Variants in ADAMTSL4 observed in about 807,000 individuals in gnomAD.
ADAMTSL4 encodes ADAMTS-like protein 4.
Under a neutral mutation model 122.8 loss-of-function variants are expected in ADAMTSL4, and 97 were observed. The ratio of observed to expected loss-of-function variants is 0.79; its 90% CI spans 0.67 to 0.93. ADAMTSL4 has a LOEUF of 0.93. Ranked by LOEUF, ADAMTSL4 falls within the 40% of genes least tolerant of loss-of-function variation. The probability of loss-of-function intolerance (pLI) is 0.00; values close to 1 mark genes in which losing one functional copy is unlikely to be tolerated. For synonymous variants in ADAMTSL4, 592 were observed against 568.0 expected (o/e 1.04, Z -0.60); for missense variants, 1,408 against 1,453.5 (o/e 0.97, Z 0.51).
chr1:150,557,030 C>T lies in ADAMTSL4; in HGVS notation c.1841C>T (p.Pro614Leu). The change falls in exon 11 of 19, where the codon CCT becomes CTT. Residue 614 changes from proline to leucine, a missense_variant. Transcript: ENST00000271643. ...CTTGAGAACCCCACCCCAGAGCCCC[C>T]TGTCCCCCAGCTTCAGCCGGGTAAG... Reference protein sequence around the residue: ...PILENPTPEPPVPQLQPEILR... With the variant: ...PILENPTPEPLVPQLQPEILR... The T allele has an allele frequency of 6.2e-7, 1 of 1,613,968 alleles. No homozygotes were observed.
At position 150,559,624 on chromosome 1, in the gene ADAMTSL4, G is replaced by C; in HGVS notation, c.2944-137G>C. The C allele has an allele frequency of 1.3e-6, 2 of 1,555,320 alleles. No individual in the cohort carries two copies. The highest frequency in any genetic ancestry group is 1.8e-6 in the Non-Finnish European group (2 of 1,141,870). On this transcript the variant is annotated intron_variant, in intron 17 of 18. Coordinates refer to ENST00000271643, the MANE Select transcript of ADAMTSL4 (RefSeq NM_019032.6). This position sits in a 1 kb window ranked among gnomAD's most constrained non-coding sequence, Gnocchi z 4.1. ...TTCTTATAGACTTGGAGGAAAGATG[G>C]GCCCTCTCCATTTGGGATTTCACAA...
Position 150,559,703 on chromosome 1 carries a change from G to A in ADAMTSL4, c.2944-58G>A. The stretch of plus-strand genomic sequence containing the variant: ...TTTGGGGAGAGAGGTGGCAGCCAGG[G>A]GTTAAGGAGAATCCCGGGCCTGGCA... On this transcript the variant is annotated intron_variant, in intron 17 of 18. Coordinates refer to ENST00000271643, the MANE Select transcript of ADAMTSL4 (RefSeq NM_019032.6). The surrounding 1 kb of genome is among the most constrained non-coding windows in gnomAD (Gnocchi z 4.1). 6.2e-7 allele frequency: 1 copy of A among 1,612,354 alleles called. No individual in the cohort carries two copies.
Position 150,559,996 on chromosome 1 carries a change from AC to A in ADAMTSL4, c.3089-61del, listed in dbSNP as rs1672614041. The A allele has an allele frequency of 3.1e-6, 5 of 1,613,488 alleles. No homozygotes were observed. The South Asian group carries it at 5.5e-5, about 18-fold the overall frequency. On this transcript the variant is annotated intron_variant, in intron 18 of 18. Coordinates refer to ENST00000271643, the MANE Select transcript of ADAMTSL4 (RefSeq NM_019032.6). The surrounding 1 kb of genome is among the most constrained non-coding windows in gnomAD (Gnocchi z 4.1). ...AAGGACCAGTGGGAATGGGCAGCAC[AC>A]CCATTCCCAGACGGGTGGGTCCTGG...
rs952492181 is a variant in ADAMTSL4 at position 150,558,638 on chromosome 1, T to C, written c.2548T>C (p.Trp850Arg). The change falls in exon 15 of 19, where the codon TGG (tryptophan) becomes CGG (arginine). Residue 850 changes from tryptophan (W) to arginine (R), a missense_variant. Physicochemically the swap from Trp to Arg is moderately radical, Grantham distance 101 (BLOSUM62 -3). Coordinates refer to ENST00000271643, the MANE Select transcript of ADAMTSL4 (RefSeq NM_019032.6). ...PCTTAWFHSD[W>R]SSKCSAECGT... ...TACTACTGCCTGGTTCCACAGCGAC[T>C]GGAGCTCCAAGGTGAGCCCGGAACC... 1.2e-6 allele frequency: 2 copies of C among 1,613,692 alleles called. No homozygotes were observed. Among genetic ancestry groups the C allele is most frequent in the East Asian group, 2.2e-5 (1 of 44,884 alleles).
intron 2 of ADAMTSL4, chr1:150,550,340 G>T (rs1671268937): frequency 2.2e-6 from 1 of 451,312 alleles, no homozygotes; most frequent in Non-Finnish European, 4.4e-6. Context: ...GCCGGGCTGC[G>T]CAGGGGAGGG....
Position 150,557,338 on chromosome 1 carries a change from G to A in ADAMTSL4, c.2047+3G>A. ...ATGCTCAGCGTCCTGCGGGAAAGGT[G>A]AGACATCACAGTGCGTTCCCCGCAT... On this transcript the variant is annotated splice_donor_region_variant and intron_variant, in intron 12 of 18. Transcript: ENST00000271643. 12 of 1,609,674 alleles carry A rather than the reference G, an allele frequency of 7.5e-6. No individual in the cohort carries two copies. The highest frequency in any genetic ancestry group is 1.7e-4 in the Middle Eastern group (1 of 5,778).
At position 150,553,618 on chromosome 1, in the gene ADAMTSL4, C is replaced by T; in HGVS notation, c.627C>T (p.Ser209=). 2 of 1,613,818 alleles carry T rather than the reference C, an allele frequency of 1.2e-6. No homozygotes were observed. Among genetic ancestry groups the T allele is most frequent in the Non-Finnish European group, 1.7e-6 (2 of 1,179,928 alleles). ...CAGAGCCATTCTCCGCAAACGGCAG[C>T]CCCCAAACTGAGCTCCCTCCCACAG... The part of the protein sequence containing the change: ...PRAEPFSANG[S]PQTELPPTEL... The change falls in exon 6 of 19, where the codon AGC becomes AGT. Residue 209 remains serine, a synonymous_variant. Transcript: ENST00000271643.
chr1:150,557,924 C>G (rs1672358654), intron 13 of ADAMTSL4, 21 bp from the exon 14 acceptor site: 6 of 1,600,664 alleles, frequency 3.7e-6, no homozygotes, highest in South Asian at 1.1e-5. Flanking sequence ...CGCCTCTTCC[C>G]TGCCCTGCTG....
intron 8 of ADAMTSL4, 27 bp downstream of exon 8, chr1:150,555,592 C>G: frequency 6.3e-7 from 1 of 1,587,320 alleles, no homozygotes. Flanking sequence ...TGTGTGTGCA[C>G]ACACACATGC....
chr1:150,553,105 C>G lies in ADAMTSL4; in HGVS notation c.286C>G (p.Leu96Val). Residue 96 changes from leucine to valine, a missense_variant, in exon 5 of 19, where the codon CTC (leucine) becomes GTC (valine). Leu to Val is a conservative substitution (Grantham distance 32). Coordinates refer to ENST00000271643, the MANE Select transcript of ADAMTSL4 (RefSeq NM_019032.6). ...PRPPRHPEAL[L>V]PRGQGPRPQT... Reference sequence around the variant, plus strand: ...GCCCCCAAGACATCCAGAAGCCCTCCTCCCCCGGGGCCAGGGTCCCAGACC... The same window carrying G: ...GCCCCCAAGACATCCAGAAGCCCTCGTCCCCCGGGGCCAGGGTCCCAGACC... The G allele has an allele frequency of 6.2e-7, 1 of 1,613,408 alleles. No individual in the cohort carries two copies. Among genetic ancestry groups the G allele is most frequent in the Non-Finnish European group, 8.5e-7 (1 of 1,179,818 alleles).
chr1:150,552,552 G>C lies in ADAMTSL4; in HGVS notation c.30G>C (p.Leu10=). MENWTGRPW[L]YLLLLLSLPQ... ...GGCCTTTGGTTTGCAGGCCCTGGCT[G>C]TATCTGCTGCTGCTTCTGTCCCTCC... The change falls in exon 4 of 19, where the codon CTG becomes CTC. Residue 10 remains leucine, a synonymous_variant. Transcript: ENST00000271643. The surrounding 1 kb of genome is among the most constrained non-coding windows in gnomAD (Gnocchi z 4.0). The C allele has an allele frequency of 6.2e-7, 1 of 1,614,048 alleles. No homozygotes were observed. The highest frequency in any genetic ancestry group is 8.5e-7 in the Non-Finnish European group (1 of 1,179,990).
chr1:150,558,179 G>A, intron 14 of ADAMTSL4, 30 bp downstream of exon 14: 2 of 1,612,810 alleles, frequency 1.2e-6, no homozygotes, highest in South Asian at 1.1e-5. Context: ...GAGGTGCTGG[G>A]GAGGGGAATG....
Position 150,552,144 on chromosome 1 carries a change from C to T in ADAMTSL4, c.-84-61C>T. The T allele has an allele frequency of 1.2e-6, 1 of 818,840 alleles. No homozygotes were observed. The highest frequency in any genetic ancestry group is 1.9e-6 in the Non-Finnish European group (1 of 516,078). The allele number at this position is 818,840 out of a possible 1,614,324, so 50.7% of individuals were successfully genotyped here. Reference sequence around the variant, plus strand: ...CCCTCCTCCATATTCTCTGAGCTGTCCTCCCAGCCCCAAGCTCTCTGGACA... The same window carrying T: ...CCCTCCTCCATATTCTCTGAGCTGTTCTCCCAGCCCCAAGCTCTCTGGACA... On this transcript the variant is annotated intron_variant, in intron 2 of 18. Coordinates refer to ENST00000271643, the MANE Select transcript of ADAMTSL4 (RefSeq NM_019032.6). The surrounding 1 kb of genome is among the most constrained non-coding windows in gnomAD (Gnocchi z 4.0).
Position 150,559,026 on chromosome 1 carries a change from C to T in ADAMTSL4, c.2624C>T (p.Ala875Val). 6.2e-7 allele frequency: 1 copy of T among 1,612,036 alleles called. No homozygotes were observed. The highest frequency in any genetic ancestry group is 8.5e-7 in the Non-Finnish European group (1 of 1,179,828). ...RSVVCLGSGA[A>V]LGPGQGEAGA... ...GTGGTCTGCCTTGGGAGTGGGGCAG[C>T]CCTCGGGCCAGGCCAGGGGGAAGCA... is the stretch of plus-strand genomic sequence containing the variant. Residue 875 changes from alanine to valine, a missense_variant, in exon 16 of 19, where the codon GCC becomes GTC. Transcript: ENST00000271643. The surrounding 1 kb of genome is among the most constrained non-coding windows in gnomAD (Gnocchi z 4.1).
chr1:150,555,715 A>G, intron 8 of ADAMTSL4, 150 bp downstream of exon 8: 1 of 1,106,606 alleles, frequency 9.0e-7, no homozygotes, highest in Non-Finnish European at 1.3e-6. Flanking sequence ...ACACATGCAC[A>G]CACGCACACA....
Position 150,559,943 on chromosome 1 carries a change from A to T in ADAMTSL4, c.3088+38A>T, listed in dbSNP as rs769563994. ...CTCTCCCCAATCCCCAATACAGTGG[A>T]TTAGCTGAAGTATGGGAGGAGATGA... On this transcript the variant is annotated intron_variant, in intron 18 of 18. Transcript: ENST00000271643. This position sits in a 1 kb window ranked among gnomAD's most constrained non-coding sequence, Gnocchi z 4.1. 6.2e-7 allele frequency: 1 copy of T among 1,613,778 alleles called. No individual in the cohort carries two copies. The highest frequency in any genetic ancestry group is 8.5e-7 in the Non-Finnish European group (1 of 1,180,000).
Position 150,554,032 on chromosome 1 carries a change from T to G in ADAMTSL4, c.1041T>G (p.His347Gln). The change falls in exon 6 of 19, where the codon CAT (histidine) becomes CAG (glutamine). Residue 347 changes from histidine to glutamine, a missense_variant. His to Gln is a conservative substitution (Grantham distance 24). Transcript: ENST00000271643. This position sits in a 1 kb window ranked among gnomAD's most constrained non-coding sequence, Gnocchi z 4.0. ...TGCCCCTGCTGAGCAACGGCCCCCA[T>G]GCCAGCTCCCTCTGGAGCCTCTTTG... ...AWLPLLSNGP[H>Q]ASSLWSLFAP... is the part of the protein sequence containing the mutation. 1 of 1,610,634 alleles carries G rather than the reference T, an allele frequency of 6.2e-7. No individual in the cohort carries two copies. The highest frequency in any genetic ancestry group is 8.5e-7 in the Non-Finnish European group (1 of 1,179,936).
At position 150,558,072 on chromosome 1, in the gene ADAMTSL4, C is replaced by A. The variant is rs56228576; in HGVS notation, c.2305C>A (p.Leu769Ile). ...SSVPPERCGH[L>I]PRPNITQSCQ... ...GGTGCCCCCGGAGCGCTGTGGACAT[C>A]TCCCCCGGCCCAACATCACCCAGTC... Residue 769 changes from leucine to isoleucine, a missense_variant, in exon 14 of 19, where the codon CTC (leucine) becomes ATC (isoleucine). By Grantham distance (5) the Leu-to-Ile change is conservative (BLOSUM62 2). Transcript: ENST00000271643. 6 of 1,613,174 alleles carry A rather than the reference C, an allele frequency of 3.7e-6. No homozygotes were observed. The East Asian group carries it at 6.7e-5, about 18-fold the overall frequency.
Position 150,559,190 on chromosome 1 carries a change from A to G in ADAMTSL4, c.2763+25A>G, listed in dbSNP as rs1200189857. On this transcript the variant is annotated intron_variant, in intron 16 of 18. Transcript: ENST00000271643. The surrounding 1 kb of genome is among the most constrained non-coding windows in gnomAD (Gnocchi z 4.1). ...GGTAAGCTGAGCGCCTGCTGAGAGC[A>G]GGAAGGGGGTGCCAGTCCCAGTGGG... The G allele has an allele frequency of 1.2e-6, 2 of 1,611,982 alleles. No homozygotes were observed.
Sources: allele counts gnomAD v4.1 joint callset, GRCh38; gene constraint gnomAD v4.1.1; non-coding constraint Gnocchi (gnomAD v3.1); transcripts MANE v1.5; gene names NCBI Gene and HGNC (gene_info 2026-07-23, HGNC 2026-07-21).